CTIF: variants seen among roughly 807,000 people sequenced by gnomAD.
The protein encoded by CTIF is cap binding complex dependent translation initiation factor, also known as CBP80/20-dependent translation initiation factor.
A neutral mutation model predicts 66.0 loss-of-function variants in CTIF; 21 were observed. The observed-to-expected ratio is 0.32, with a 90% CI of 0.23 to 0.46. CTIF has a LOEUF of 0.46. Among genes scored for constraint, CTIF ranks in the 20% least tolerant of loss-of-function variants. The pLI is 1.00. For synonymous variants in CTIF, 345 were observed against 326.4 expected, an observed-to-expected ratio of 1.06 and a Z score of -0.62; for missense variants, 739 against 812.7, an observed-to-expected ratio of 0.91 and a Z score of 1.10.
At chr18:48,703,297 C>G (rs1160816944) in intron 6 of CTIF, among the ~76,000 whole-genome samples, 2 of 152,294 alleles carry the variant, frequency 1.3e-5, no homozygotes, top group African/African-American at 4.8e-5. Flanking sequence ...GACAGGTGAT[C>G]AGCTGGGAGG....
At position 48,570,497 on chromosome 18, in the gene CTIF, C is replaced by T. The variant is rs73956921; in HGVS notation, c.-29+31185C>T. On this transcript the variant is annotated intron_variant, in intron 1 of 11. Coordinates refer to ENST00000256413, the MANE Select transcript of CTIF (RefSeq NM_014772.3). ...AGCCTTAGTCCCTGCCCTGGCGTGA[C>T]GCACAGGCTAACGGAGGAGACAGAC... Among the ~76,000 whole-genome samples, 1,196 of 152,242 alleles carry T rather than the reference C, an allele frequency of 7.9e-3. 12 individuals carry two copies. Among genetic ancestry groups the T allele is most frequent in the African/African-American group, 0.027 (1,138 of 41,530 alleles).
chr18:48,684,235 CTTGAA>C (rs2091797775), intron 6 of CTIF, among the ~76,000 whole-genome samples: 2 of 152,304 alleles, frequency 1.3e-5, no homozygotes, highest in Non-Finnish European at 2.9e-5. Flanking sequence ...GCCCCAAACA[CTTGAA>C]CCATCTACTC....
intron 1 of CTIF, among the ~76,000 whole-genome samples, chr18:48,592,793 C>A (rs185307574): frequency 6.6e-6 from 1 of 152,146 alleles, no homozygotes; most frequent in African/African-American, 2.4e-5. Flanking sequence ...TCTCATCAGC[C>A]GGGAAGAATC....
rs562756454 is a variant in CTIF, at chr18:48,645,208, G to A, written c.252+8523G>A. Among the ~76,000 whole-genome samples, 11 of 128,256 alleles carry A rather than the reference G, an allele frequency of 8.6e-5. 1 individual carries two copies. In the Admixed American group the frequency reaches 1.1e-3, roughly 13 times the overall value. 84.1% of individuals were successfully genotyped at this position (128,256 alleles called of 152,430 possible). On this transcript the variant is annotated intron_variant, in intron 3 of 11. Coordinates refer to ENST00000256413, the MANE Select transcript of CTIF (RefSeq NM_014772.3). The stretch of plus-strand genomic sequence containing the variant: ...TGCCCAGAACCTGAGGAACGACACA[G>A]CGAGGAGCTTGTTTTCTTTTTGCCT...
At chr18:48,621,735 C>T (rs921955109) in intron 2 of CTIF, 4 of 260,242 alleles carry the variant, frequency 1.5e-5, no homozygotes, top group African/African-American at 9.5e-5. Flanking sequence ...GTGGCCAGCT[C>T]AAGGAACAGA....
At chr18:48,634,644 C>T (rs1180160927) in intron 2 of CTIF, among the ~76,000 whole-genome samples, 2 of 152,170 alleles carry the variant, frequency 1.3e-5, no homozygotes, top group Non-Finnish European at 1.5e-5. Flanking sequence ...GGAGAAATGC[C>T]CTCTTCCTGT....
intron 6 of CTIF, among the ~76,000 whole-genome samples, chr18:48,687,287 C>T (rs2091855228): frequency 7.1e-6 from 1 of 141,670 alleles, no homozygotes; most frequent in Non-Finnish European, 1.5e-5. Flanking sequence ...TGCTGTTGTT[C>T]AAAGAACTCT....
chr18:48,606,906 A>T (rs1194655981), intron 1 of CTIF, among the ~76,000 whole-genome samples: 1 of 152,226 alleles, frequency 6.6e-6, no homozygotes, highest in Admixed American at 6.5e-5. Context: ...TTAATATATG[A>T]CAAGCATTTA....
At chr18:48,754,579 A>G (rs757234866) in intron 7 of CTIF, among the ~76,000 whole-genome samples, 2 of 152,212 alleles carry the variant, frequency 1.3e-5, no homozygotes, top group Non-Finnish European at 2.9e-5. Flanking sequence ...AGCTGATTCC[A>G]TCTGCCATTT....
intron 10 of CTIF, among the ~76,000 whole-genome samples, chr18:48,824,540 T>C (rs2068544648): frequency 6.6e-6 from 1 of 152,178 alleles, no homozygotes; most frequent in Non-Finnish European, 1.5e-5. Flanking sequence ...TTCTAGGTTA[T>C]CATTGAATGC....
chr18:48,730,264 C>CG (rs780798727), intron 7 of CTIF, among the ~76,000 whole-genome samples: 76 of 141,514 alleles, frequency 5.4e-4, no homozygotes, highest in Middle Eastern at 8.1e-3. Context: ...GGGGCCCCCG[C>CG]AGTGTGAGGG....
intron 1 of CTIF, among the ~76,000 whole-genome samples, chr18:48,598,836 G>C (rs1055736200): frequency 6.6e-6 from 1 of 152,238 alleles, no homozygotes; most frequent in African/African-American, 2.4e-5. Context: ...AAGAGACCCA[G>C]AACGGAGACA....
At chr18:48,852,157 C>G (rs1011574978) in intron 10 of CTIF, among the ~76,000 whole-genome samples, 4 of 144,518 alleles carry the variant, frequency 2.8e-5, no homozygotes, top group African/African-American at 1.0e-4. Context: ...TTGCTTAAGC[C>G]CAGCAGGTTG....
At chr18:48,733,117 T>G (rs923376322) in intron 7 of CTIF, among the ~76,000 whole-genome samples, 5 of 152,162 alleles carry the variant, frequency 3.3e-5, no homozygotes, top group African/African-American at 1.2e-4. Context: ...ATAATCCCTG[T>G]GGTCCCTTCC....
chr18:48,714,336 G>C (rs2092259007), intron 7 of CTIF, among the ~76,000 whole-genome samples: 2 of 152,270 alleles, frequency 1.3e-5, no homozygotes, highest in Middle Eastern at 3.4e-3. Context: ...ATCAGATTTG[G>C]TGGACAAAGG....
At chr18:48,848,972 C>T (rs568889621) in intron 10 of CTIF, among the ~76,000 whole-genome samples, 13 of 152,340 alleles carry the variant, frequency 8.5e-5, no homozygotes, top group Admixed American at 3.9e-4. Flanking sequence ...CACATTTTGC[C>T]GTTCGAGGGC....
At chr18:48,757,827 G>A (rs1285222422) in intron 7 of CTIF, 92 bp from the exon 8 acceptor site, 22 of 1,473,330 alleles carry the variant, frequency 1.5e-5, no homozygotes, top group Non-Finnish European at 1.8e-5. Context: ...ATATGGACAA[G>A]GCAATGACTT....
At chr18:48,831,540 G>A (rs748033130) in intron 10 of CTIF, among the ~76,000 whole-genome samples, 4 of 152,330 alleles carry the variant, frequency 2.6e-5, no homozygotes, top group East Asian at 1.9e-4. Flanking sequence ...CAGGGGGCAC[G>A]AAGGGTGGGA....
intron 6 of CTIF, among the ~76,000 whole-genome samples, chr18:48,684,961 A>T (rs1462616462): frequency 6.6e-6 from 1 of 151,834 alleles, no homozygotes; most frequent in Non-Finnish European, 1.5e-5. Flanking sequence ...AGACATTTAC[A>T]TTTTGTTAAT....
Sources: gnomAD v4.1 joint callset for allele counts (sites outside exome capture counted in the v4.1 genomes callset) on GRCh38, gnomAD v4.1.1 for gene constraint, MANE v1.5 for transcripts, NCBI Gene and HGNC (gene_info 2026-07-23, HGNC 2026-07-21) for gene names.